CHODL: variants seen among roughly 807,000 people sequenced by gnomAD.
The protein encoded by CHODL is transmembrane protein MT75.
Under a neutral mutation model 34.5 loss-of-function variants are expected in CHODL, and 29 were observed. That is an observed-to-expected ratio of 0.84 (90% confidence interval 0.63 to 1.15). CHODL has a LOEUF of 1.15. Among genes scored for constraint, CHODL ranks in the 50% most tolerant of loss-of-function variants. CHODL has a pLI of 0.00. For missense variants in CHODL, 332 were observed against 332.5 expected (o/e 1.00, Z 0.01); for synonymous variants, 125 against 116.1 (o/e 1.08, Z -0.49).
chr21:17,965,345 G>T (rs1362730685), intron 1 of CHODL, among the ~76,000 whole-genome samples: 1 of 152,034 alleles, frequency 6.6e-6, no homozygotes, highest in African/African-American at 2.4e-5. Flanking sequence ...GAAACTGTTT[G>T]TTCTTACCTC....
chr21:18,248,627 A>C (rs1457231971), intron 1 of CHODL, among the ~76,000 whole-genome samples: 1 of 117,518 alleles, frequency 8.5e-6, no homozygotes, highest in Admixed American at 9.3e-5. Flanking sequence ...TATATAATAT[A>C]TATAATACAT....
chr21:17,984,607 A>G (rs2146379851), intron 1 of CHODL, among the ~76,000 whole-genome samples: 1 of 151,736 alleles, frequency 6.6e-6, no homozygotes, highest in East Asian at 1.9e-4. Flanking sequence ...TTTGTACATG[A>G]CTTTTTTTAA....
chr21:18,192,502 T>C (rs1315287588), intron 2 of CHODL, among the ~76,000 whole-genome samples: 1 of 152,206 alleles, frequency 6.6e-6, no homozygotes, highest in African/African-American at 2.4e-5. Context: ...GTCCTATCTT[T>C]AGTTTAAAAC....
chr21:18,212,858 T>C (rs1318501058), intron 2 of CHODL, among the ~76,000 whole-genome samples: 2 of 152,140 alleles, frequency 1.3e-5, no homozygotes, highest in Admixed American at 6.5e-5. Flanking sequence ...AATCCCGCAA[T>C]GAGATGTGTA....
Position 18,003,039 on chromosome 21 carries a change from C to T in CHODL, c.-144-24833C>T, listed in dbSNP as rs1001255423. On this transcript the variant is annotated intron_variant, in intron 1 of 6. Coordinates refer to the CHODL transcript ENST00000400127. ...TCGGGAGGCTGAGGCAGGAGAATGGCGTGAACCCCGGGGGGCGGAGTGTGC... is the reference window on the plus strand; with the variant it reads ...TCGGGAGGCTGAGGCAGGAGAATGGTGTGAACCCCGGGGGGCGGAGTGTGC... Among the ~76,000 whole-genome samples, 18 of 151,120 alleles carry T rather than the reference C, an allele frequency of 1.2e-4. No individual in the cohort carries two copies. In the East Asian group the frequency reaches 3.3e-3, roughly 28 times the overall value.
chr21:18,028,777 A>G (rs1346093059), intron 2 of CHODL, among the ~76,000 whole-genome samples: 1 of 151,918 alleles, frequency 6.6e-6, no homozygotes, highest in Admixed American at 6.6e-5. Flanking sequence ...ACTACTGCAT[A>G]ATATACATCC....
intron 2 of CHODL, among the ~76,000 whole-genome samples, chr21:18,159,095 C>A (rs1292605874): frequency 6.6e-6 from 1 of 152,042 alleles, no homozygotes; most frequent in Non-Finnish European, 1.5e-5. Context: ...ACACTTTTTA[C>A]CCCGGGGATA....
intron 2 of CHODL, among the ~76,000 whole-genome samples, chr21:18,060,404 T>C (rs2064645297): frequency 6.6e-6 from 1 of 151,906 alleles, no homozygotes; most frequent in Non-Finnish European, 1.5e-5. Context: ...GAGCCGTGTT[T>C]GCACCACTGC....
intron 3 of CHODL, 134 bp from the exon 4 acceptor site, chr21:18,260,066 T>C (rs1053524948): frequency 4.1e-5 from 12 of 291,680 alleles, no homozygotes; most frequent in African/African-American, 2.4e-4. Context: ...ATTCAGAATG[T>C]ATTTTATTAG....
chr21:18,243,152 A>G (rs115637452), upstream of CHODL, among the ~76,000 whole-genome samples: 1,959 of 152,318 alleles, frequency 0.013, 57 homozygotes, highest in African/African-American at 0.043. Flanking sequence ...TGAATTTCTT[A>G]TCTATGCTAG....
intron 1 of CHODL, among the ~76,000 whole-genome samples, chr21:17,961,534 C>T (rs2063532231): frequency 6.6e-6 from 1 of 152,184 alleles, no homozygotes; most frequent in Non-Finnish European, 1.5e-5. Flanking sequence ...GTAAGTGAAG[C>T]AGTGGCTAGG....
chr21:17,925,310 G>T (rs2063214404), intron 1 of CHODL, among the ~76,000 whole-genome samples: 1 of 152,198 alleles, frequency 6.6e-6, no homozygotes, highest in Non-Finnish European at 1.5e-5. Flanking sequence ...TTAGAACTGT[G>T]CAGGCAGAGA....
rs67320180 is a variant in CHODL, at chr21:18,108,147, CTTT to C, written c.-45+80188_-45+80190del. ...ACAAGGCAGTTGCTCATCAGATTCA[CTTT>C]TTTTTTTTTTTATCATTTACTGTAT... On this transcript the variant is annotated intron_variant, in intron 2 of 6. Coordinates refer to the CHODL transcript ENST00000400127. Among the ~76,000 whole-genome samples, 173 of 147,430 alleles carry C rather than the reference CTTT, an allele frequency of 1.2e-3. 1 individual carries two copies. Among genetic ancestry groups the C allele is most frequent in the Middle Eastern group, 3.5e-3 (1 of 286 alleles).
rs564828786 is a variant in CHODL at position 18,024,942 on chromosome 21, G to A, written c.-144-2930G>A. On this transcript the variant is annotated intron_variant, in intron 1 of 6. Transcript: ENST00000400127. ...GCATTTACATTACTTAATTAATGTC[G>A]AGCAATCACAAGAACTGTGACTATA... Among the ~76,000 whole-genome samples, 5 of 152,160 alleles carry A rather than the reference G, an allele frequency of 3.3e-5. No homozygotes were observed. The East Asian group carries it at 7.7e-4, about 23-fold the overall frequency.
intron 1 of CHODL, among the ~76,000 whole-genome samples, chr21:17,957,038 C>T (rs995216640): frequency 6.6e-6 from 1 of 151,896 alleles, no homozygotes; most frequent in East Asian, 1.9e-4. Context: ...TAGATGAGGC[C>T]CTCAAAGGCC....
chr21:18,231,676 A>G (rs2073980258), intron 2 of CHODL, among the ~76,000 whole-genome samples: 1 of 152,048 alleles, frequency 6.6e-6, no homozygotes, highest in Non-Finnish European at 1.5e-5. Context: ...TCTACAGTAA[A>G]GTGCAAAAGT....
chr21:18,235,298 T>A (rs563754749), intron 2 of CHODL, among the ~76,000 whole-genome samples: 70 of 152,240 alleles, frequency 4.6e-4, no homozygotes, highest in East Asian at 3.9e-3. Context: ...TAGGACCTTC[T>A]GATGGTAGCA....
chr21:18,144,057 C>T (rs2072834991), intron 2 of CHODL, among the ~76,000 whole-genome samples: 1 of 151,988 alleles, frequency 6.6e-6, no homozygotes, highest in South Asian at 2.1e-4. Flanking sequence ...AATTTGAAAG[C>T]TATTTACATG....
chr21:18,121,234 A>C (rs2065475358), intron 2 of CHODL, among the ~76,000 whole-genome samples: 1 of 152,186 alleles, frequency 6.6e-6, no homozygotes, highest in Non-Finnish European at 1.5e-5. Flanking sequence ...CAGTGGAAGA[A>C]GAACTGTCTT....
Sources: allele counts gnomAD v4.1 joint callset (sites outside exome capture counted in the v4.1 genomes callset), GRCh38; gene constraint gnomAD v4.1.1; transcripts MANE v1.5; gene names NCBI Gene and HGNC (gene_info 2026-07-23, HGNC 2026-07-21).